Variants in CHRDL2 observed in about 807,000 individuals in gnomAD.
The protein encoded by CHRDL2 is chordin like 2.
In CHRDL2, 41 loss-of-function variants were observed where a neutral mutation model predicts 54.3. That is an observed-to-expected ratio of 0.76 (90% CI 0.59 to 0.98). The LOEUF is 0.98. Ranked by LOEUF, CHRDL2 falls within the 50% of genes least tolerant of loss-of-function variation. The pLI, the probability that CHRDL2 is intolerant of heterozygous loss-of-function variation, is 0.00. For synonymous variants in CHRDL2, 220 were observed against 224.3 expected, an observed-to-expected ratio of 0.98 and a Z score of 0.17; for missense variants, 518 against 562.4, an observed-to-expected ratio of 0.92 and a Z score of 0.80.
At chr11:74,722,720 C>T (rs937588840) in intron 1 of CHRDL2, among the ~76,000 whole-genome samples, 1 of 152,110 alleles carries the variant, frequency 6.6e-6, no homozygotes, top group Non-Finnish European at 1.5e-5. Context: ...TACTACTGCA[C>T]CAATCATGAT....
chr11:74,725,185 G>T lies in CHRDL2; in HGVS notation c.82+5622C>A, dbSNP rs554169485. On this transcript the variant is annotated intron_variant, in intron 1 of 10. Transcript: ENST00000376332. ...TTTTTGTATTTTTAGTAGAGATGGG[G>T]TTTCACCATGTTGGCCAAGATGATC... Among the ~76,000 whole-genome samples the T allele has an allele frequency of 6.1e-4, 93 of 152,130 alleles. 2 individuals are homozygous for T. Among genetic ancestry groups the T allele is most frequent in the African/African-American group, 2.0e-3 (84 of 41,490 alleles).
At chr11:74,716,247 G>A (rs538856794) in intron 2 of CHRDL2, among the ~76,000 whole-genome samples, 1 of 150,620 alleles carries the variant, frequency 6.6e-6, no homozygotes, top group South Asian at 2.1e-4. Context: ...AATGAAATTG[G>A]AGAATAAGGC....
intron 4 of CHRDL2, 141 bp downstream of exon 4, chr11:74,710,708 C>T: frequency 8.7e-7 from 1 of 1,153,404 alleles, no homozygotes; most frequent in Non-Finnish European, 1.2e-6. Flanking sequence ...CATTCCAAAC[C>T]CCAGATATTC....
At chr11:74,701,365 G>C (rs183840730) in intron 9 of CHRDL2, 2 of 424,718 alleles carry the variant, frequency 4.7e-6, no homozygotes, top group East Asian at 6.7e-5. Flanking sequence ...GCCCCTGCTT[G>C]TTGTTTGACT....
chr11:74,721,356 T>G (rs931748052), intron 1 of CHRDL2, among the ~76,000 whole-genome samples: 19 of 152,242 alleles, frequency 1.2e-4, no homozygotes, highest in Admixed American at 3.9e-4. Context: ...TCTGTGCCAG[T>G]TGGCACCCCC....
chr11:74,697,401 C>T (rs550935084), intron 9 of CHRDL2, 104 bp from the exon 10 acceptor site: 7 of 758,086 alleles, frequency 9.2e-6, no homozygotes, highest in South Asian at 1.5e-5. Flanking sequence ...CACTCCCTCC[C>T]CCACCCCATT....
intron 9 of CHRDL2, among the ~76,000 whole-genome samples, chr11:74,701,843 G>A (rs1206040871): frequency 3.3e-5 from 5 of 151,536 alleles, no homozygotes; most frequent in Admixed American, 3.3e-4. Flanking sequence ...AGGAACTTTA[G>A]AGCTAATTCA....
rs192442374 is a variant in CHRDL2, at chr11:74,701,801, C to G, written c.1120+993G>C. Among the ~76,000 whole-genome samples the G allele has an allele frequency of 3.8e-3, 586 of 152,256 alleles. 3 individuals are homozygous for G. Among genetic ancestry groups the G allele is most frequent in the African/African-American group, 0.013 (552 of 41,550 alleles). On this transcript the variant is annotated intron_variant, in intron 9 of 10. Coordinates refer to ENST00000376332, the MANE Select transcript of CHRDL2 (RefSeq NM_001278473.3). ...TTATCATCATTCCCTCTTCCACCCC[C>G]ACCCCGCCAGCCAAAACCATCAGTA...
chr11:74,696,784 G>A (rs1232822526), intron 10 of CHRDL2, among the ~76,000 whole-genome samples, 199 bp from the exon 11 acceptor site: 2 of 152,190 alleles, frequency 1.3e-5, no homozygotes, highest in Non-Finnish European at 1.5e-5. Flanking sequence ...AAACAACCTT[G>A]GGGGACAGAA....
intron 4 of CHRDL2, among the ~76,000 whole-genome samples, chr11:74,710,230 A>T (rs1370803779): frequency 1.3e-5 from 2 of 151,956 alleles, no homozygotes; most frequent in Non-Finnish European, 2.9e-5. Context: ...AAAAAAAAAA[A>T]AAATGACACG....
At position 74,706,398 on chromosome 11, in the gene CHRDL2, A is replaced by G. The variant is rs2034009604; in HGVS notation, c.582+89T>C. 4 of 1,271,226 alleles carry G rather than the reference A, an allele frequency of 3.1e-6. No homozygotes were observed. The African/African-American group carries it at 4.4e-5, about 14-fold the overall frequency. 78.7% of individuals were successfully genotyped at this position (1,271,226 alleles called of 1,614,324 possible). ...GGACAAACAAGAAATGAGGACAATA[A>G]CTGGTATTGCCTGCCCCAGAGTCAC... On this transcript the variant is annotated intron_variant, in intron 6 of 10. Transcript: ENST00000376332.
chr11:74,719,665 G>T (rs2034458846), intron 1 of CHRDL2, among the ~76,000 whole-genome samples: 1 of 152,196 alleles, frequency 6.6e-6, no homozygotes, highest in South Asian at 2.1e-4. Flanking sequence ...ACTGTGATTT[G>T]TGATTGGCAC....
Position 74,708,357 on chromosome 11 carries a change from T to G in CHRDL2, c.471A>C (p.Glu157Asp). ...GCGGGAGGGGTGCTGGGCAGCCTGG[T>G]TCGGGGCAGGTTGTGAGGCCGCAGT... The part of the protein sequence containing the change: ...QIYCGLTTCP[E>D]PGCPAPLPLP... Residue 157 changes from glutamate (E) to aspartate (D), a missense_variant, in exon 5 of 11, where the codon GAA (glutamate) becomes GAC (aspartate). Glu to Asp is a conservative substitution (Grantham distance 45, BLOSUM62 2). Coordinates refer to ENST00000376332, the MANE Select transcript of CHRDL2 (RefSeq NM_001278473.3). The G allele has an allele frequency of 6.3e-7, 1 of 1,589,308 alleles. No individual in the cohort carries two copies. The highest frequency in any genetic ancestry group is 8.5e-7 in the Non-Finnish European group (1 of 1,170,792).
intron 1 of CHRDL2, among the ~76,000 whole-genome samples, chr11:74,719,823 C>A (rs1001839309): frequency 6.6e-6 from 1 of 152,162 alleles, no homozygotes; most frequent in Non-Finnish European, 1.5e-5. Context: ...CCTCCCATAA[C>A]CCACTGATCC....
intron 1 of CHRDL2, among the ~76,000 whole-genome samples, chr11:74,724,244 G>T (rs2034539573): frequency 6.6e-6 from 1 of 152,214 alleles, no homozygotes; most frequent in African/African-American, 2.4e-5. Flanking sequence ...AGAGGTGGGA[G>T]TGGATGTGGT....
At chr11:74,703,563 C>A in intron 7 of CHRDL2, 64 bp from the exon 8 acceptor site, 1 of 1,418,668 alleles carries the variant, frequency 7.0e-7, no homozygotes, top group Non-Finnish European at 9.5e-7. Context: ...GCCTCTGGTC[C>A]AGCAGCGGGT....
At chr11:74,703,049 A>G in intron 8 of CHRDL2, 82 bp from the exon 9 acceptor site, 1 of 1,364,754 alleles carries the variant, frequency 7.3e-7, no homozygotes, top group Non-Finnish European at 1.0e-6. Context: ...AAATGTTGTG[A>G]CTTCATGGAA....
At chr11:74,701,523 G>C (rs950871028) in intron 9 of CHRDL2, 2 of 705,808 alleles carry the variant, frequency 2.8e-6, no homozygotes, top group Admixed American at 2.1e-5. Context: ...ACAGGGGGCA[G>C]AGTAGAGCAG....
chr11:74,700,393 A>G (rs1234211541), intron 9 of CHRDL2, among the ~76,000 whole-genome samples: 5 of 151,996 alleles, frequency 3.3e-5, no homozygotes, highest in South Asian at 4.1e-4. Flanking sequence ...TAGTGACACT[A>G]TCTGTTCATT....
Sources: allele counts gnomAD v4.1 joint callset (sites outside exome capture counted in the v4.1 genomes callset), GRCh38; gene constraint gnomAD v4.1.1; transcripts MANE v1.5; gene names NCBI Gene and HGNC (gene_info 2026-07-23, HGNC 2026-07-21).